MEIOB: variants seen among roughly 807,000 people sequenced by gnomAD.
The protein encoded by MEIOB is meiosis specific with OB-fold, also known as meiosis-specific with OB domain-containing protein.
Under a neutral mutation model 53.1 loss-of-function variants are expected in MEIOB, and 50 were observed. That is an observed-to-expected ratio of 0.94 (90% CI 0.75 to 1.19). The LOEUF is 1.19. MEIOB is among the 50% of genes most tolerant of loss of function. The pLI is 0.00. For missense variants in MEIOB, 551 were observed against 550.8 expected (o/e 1.00, Z 0.00); for synonymous variants, 192 against 182.5 (o/e 1.05, Z -0.42).
intron 9 of MEIOB, among the ~76,000 whole-genome samples, chr16:1,848,366 C>T (rs1174466410): frequency 6.6e-6 from 1 of 152,084 alleles, no homozygotes; most frequent in Admixed American, 6.6e-5. Context: ...GTGAATTAAG[C>T]ATCATCTATG....
At chr16:1,855,784 G>A (rs1186167823) in intron 6 of MEIOB, among the ~76,000 whole-genome samples, 1 of 152,128 alleles carries the variant, frequency 6.6e-6, no homozygotes, top group Non-Finnish European at 1.5e-5. Context: ...TCTCCCTAAA[G>A]TATACAGATG....
chr16:1,837,273 G>C (rs1004258920), intron 13 of MEIOB, among the ~76,000 whole-genome samples: 1 of 143,860 alleles, frequency 7.0e-6, no homozygotes, highest in Non-Finnish European at 1.5e-5. Flanking sequence ...CTGTCTCCCC[G>C]CAACAACCCA....
intron 2 of MEIOB, among the ~76,000 whole-genome samples, chr16:1,867,462 ATTTTTTTTTTTTTTT>A (rs869208139): frequency 4.9e-5 from 5 of 102,946 alleles, no homozygotes; most frequent in Non-Finnish European, 7.3e-5. Flanking sequence ...AAATGGTTTA[ATTTTTTTTTTTTTTT>A]TTTTTTTTTT....
intron 13 of MEIOB, among the ~76,000 whole-genome samples, chr16:1,836,280 G>A (rs1003138632): frequency 1.3e-5 from 2 of 152,136 alleles, no homozygotes; most frequent in African/African-American, 4.8e-5. Context: ...ATGAATATTT[G>A]TTAAAGCCAC....
intron 10 of MEIOB, 36 bp from the exon 11 acceptor site, chr16:1,842,009 A>G: frequency 7.4e-7 from 1 of 1,355,752 alleles, no homozygotes; most frequent in East Asian, 2.6e-5. Flanking sequence ...TTCTGTATAT[A>G]TTCTAAAAAA....
In MEIOB at chr16:1,865,804, T is replaced by A. The variant is rs1899579043; in HGVS notation, c.101A>T (p.Asp34Val). 1 of 1,549,012 alleles carries A rather than the reference T, an allele frequency of 6.5e-7. No homozygotes were observed. The highest frequency in any genetic ancestry group is 2.5e-5 in the East Asian group (1 of 40,808). Residue 34 changes from aspartate to valine, a missense_variant, in exon 3 of 14, where the codon GAT becomes GTT. By Grantham distance (152) the Asp-to-Val change is radical. Coordinates refer to ENST00000325962, the MANE Select transcript of MEIOB (RefSeq NM_001163560.3). Reference protein sequence around the residue: ...KVIGIVIGKTDVKGFPDRKNI... With the variant: ...KVIGIVIGKTVVKGFPDRKNI... ...TTTTCTGTCTGGAAAGCCTTTGACA[T>A]CTGTTTTCCCAATAACTATACCGAT...
rs191602436 is a variant in MEIOB, at chr16:1,868,315, G to C, written c.-9-131C>G. 2.2e-3 allele frequency: 1,013 copies of C among 467,628 alleles called. 1 individual carries two copies. The highest frequency in any genetic ancestry group is 2.9e-3 in the Non-Finnish European group (724 of 253,890). 29.0% of individuals were successfully genotyped at this position (467,628 alleles called of 1,614,324 possible). The stretch of plus-strand genomic sequence containing the variant: ...CTCATACCTGTAATCCCAGCACTTT[G>C]GGAGGCTGAAGTGGATGGATCACCT... On this transcript the variant is annotated intron_variant, in intron 1 of 13. Transcript: ENST00000325962.
intron 2 of MEIOB, 22 bp from the exon 3 acceptor site, chr16:1,865,857 G>C: frequency 6.6e-7 from 1 of 1,511,948 alleles, no homozygotes; most frequent in Non-Finnish European, 8.9e-7. Flanking sequence ...AAAGGTCACA[G>C]AAGACCAATA....
intron 6 of MEIOB, among the ~76,000 whole-genome samples, chr16:1,857,097 G>A (rs118138056): frequency 1.2e-3 from 189 of 152,240 alleles, no homozygotes; most frequent in Non-Finnish European, 2.1e-3. Context: ...AAACTTTACC[G>A]TTGAGGTCTA....
Position 1,834,144 on chromosome 16 carries a change from T to C in MEIOB, c.*112A>G. The stretch of plus-strand genomic sequence containing the variant: ...CACCATAACAATTTCTAGAAACATG[T>C]TCACCACATGTAAACAAAATGCAAT... On this transcript the variant is annotated 3_prime_UTR_variant, in exon 14 of 14. Coordinates refer to ENST00000325962, the MANE Select transcript of MEIOB (RefSeq NM_001163560.3). The C allele has an allele frequency of 1.6e-6, 1 of 639,152 alleles. No homozygotes were observed. Among genetic ancestry groups the C allele is most frequent in the Non-Finnish European group, 2.8e-6 (1 of 362,912 alleles). The allele number at this position is 639,152 out of a possible 1,614,324, so 39.6% of individuals were successfully genotyped here.
intron 13 of MEIOB, among the ~76,000 whole-genome samples, chr16:1,836,766 A>G (rs954566986): frequency 6.8e-6 from 1 of 147,194 alleles, no homozygotes; most frequent in African/African-American, 2.4e-5. Flanking sequence ...TCATAATAAC[A>G]CTAATTCTCT....
chr16:1,846,545 C>T (rs1011666214), intron 9 of MEIOB, among the ~76,000 whole-genome samples: 3 of 152,120 alleles, frequency 2.0e-5, no homozygotes, highest in Non-Finnish European at 4.4e-5. Context: ...GACATGGAAC[C>T]AGCCCAAATG....
intron 1 of MEIOB, among the ~76,000 whole-genome samples, chr16:1,869,573 G>A (rs557159124): frequency 6.7e-6 from 1 of 150,080 alleles, no homozygotes; most frequent in Admixed American, 6.6e-5. Context: ...TCAGCCTCCC[G>A]AGTAGCTGGG....
In MEIOB at chr16:1,870,811, T is replaced by C. The variant is rs889788873; in HGVS notation, c.-10+1182A>G. ...ATGCAGTGTCACTATCTAAAACACT[T>C]GCCGAACTGTGACAAATTCATTCAC... On this transcript the variant is annotated intron_variant, in intron 1 of 13. Coordinates refer to ENST00000325962, the MANE Select transcript of MEIOB (RefSeq NM_001163560.3). Among the ~76,000 whole-genome samples, 8 of 152,314 alleles carry C rather than the reference T, an allele frequency of 5.3e-5. No individual in the cohort carries two copies. In the South Asian group the frequency reaches 8.3e-4, roughly 16 times the overall value.
At position 1,864,487 on chromosome 16, in the gene MEIOB, C is replaced by CTTTTT. The variant is rs1475030667; in HGVS notation, c.127+1286_127+1290dup. Among the ~76,000 whole-genome samples the CTTTTT allele has an allele frequency of 3.1e-4, 35 of 113,272 alleles. 3 individuals are homozygous for CTTTTT. The highest frequency in any genetic ancestry group is 9.6e-4 in the South Asian group (3 of 3,122). The allele number at this position is 113,272 out of a possible 152,430, so 74.3% of individuals were successfully genotyped here. A position where few individuals can be genotyped will look rare whatever the true frequency, so the allele number is the denominator to read the frequency against. ...AAAACTGTGAATTTCTTTTTCTTTT[C>CTTTTT]TTTTTTTTTTTTTTTTTTGAGACAG... On this transcript the variant is annotated intron_variant, in intron 3 of 13. Coordinates refer to ENST00000325962, the MANE Select transcript of MEIOB (RefSeq NM_001163560.3).
Position 1,848,232 on chromosome 16 carries a change from A to T in MEIOB, c.779-3269T>A, listed in dbSNP as rs577627648. Among the ~76,000 whole-genome samples, 5 of 152,320 alleles carry T rather than the reference A, an allele frequency of 3.3e-5. No homozygotes were observed. In the South Asian group the frequency reaches 1.0e-3, roughly 32 times the overall value. ...TTTTCTATCAGTGACTGCTACTGAT[A>T]TTAAACACATTAAATATCCTCCACA... is the stretch of plus-strand genomic sequence containing the variant. On this transcript the variant is annotated intron_variant, in intron 9 of 13. Coordinates refer to ENST00000325962, the MANE Select transcript of MEIOB (RefSeq NM_001163560.3).
chr16:1,838,037 C>T (rs1898796178), intron 12 of MEIOB, 167 bp from the exon 13 acceptor site: 1 of 1,342,510 alleles, frequency 7.4e-7, no homozygotes, highest in Non-Finnish European at 1.0e-6. Context: ...CACTCTGTCG[C>T]CCAAGCTGGA....
At chr16:1,865,574 C>A (rs1899572283) in intron 3 of MEIOB, among the ~76,000 whole-genome samples, 2 of 122,872 alleles carry the variant, frequency 1.6e-5, no homozygotes, top group South Asian at 5.3e-4. Flanking sequence ...TGTATGTATA[C>A]ATATATATAG....
At position 1,865,431 on chromosome 16, in the gene MEIOB, CAA is replaced by C. The variant is rs375392458; in HGVS notation, c.127+345_127+346del. 2.1e-5 allele frequency among the ~76,000 whole-genome samples: 3 copies of C among 144,058 alleles called. No individual in the cohort carries two copies. The Admixed American group carries it at 2.1e-4, about 10-fold the overall frequency. The allele number at this position is 144,058 out of a possible 152,430, so 94.5% of individuals were successfully genotyped here. A position where few individuals can be genotyped will look rare whatever the true frequency, so the allele number is the denominator to read the frequency against. Reference sequence around the variant, plus strand: ...TGAGTGACAGAGCGAGCCTCCATCTCAAAAAAAAAAAGAGAGAACACATGTAC... The same window carrying C: ...TGAGTGACAGAGCGAGCCTCCATCTCAAAAAAAAAGAGAGAACACATGTAC... On this transcript the variant is annotated intron_variant, in intron 3 of 13. Coordinates refer to ENST00000325962, the MANE Select transcript of MEIOB (RefSeq NM_001163560.3).
Sources: allele counts gnomAD v4.1 joint callset (sites outside exome capture counted in the v4.1 genomes callset), GRCh38; gene constraint gnomAD v4.1.1; transcripts MANE v1.5; gene names NCBI Gene and HGNC (gene_info 2026-07-23, HGNC 2026-07-21).